BMS1: variants seen among roughly 807,000 people sequenced by gnomAD.
BMS1 encodes ribosome biogenesis protein BMS1 homolog.
In BMS1, 53 loss-of-function variants were observed where a neutral mutation model predicts 138.7. The ratio of observed to expected loss-of-function variants is 0.38; its 90% CI spans 0.31 to 0.48. The LOEUF (loss-of-function observed/expected upper bound fraction) is 0.48, where lower values mean the gene tolerates loss of function less well. Among genes scored for constraint, BMS1 ranks in the 20% least tolerant of loss-of-function variants. BMS1 has a pLI of 0.97. For synonymous variants in BMS1, 504 were observed against 539.9 expected (o/e 0.93, Z 0.92); for missense variants, 1,360 against 1,565.5 (o/e 0.87, Z 2.22).
In BMS1 at chr10:42,823,668, A is replaced by G; in HGVS notation, c.3340A>G (p.Thr1114Ala). The change falls in exon 21 of 23, where the codon ACA (threonine) becomes GCA (alanine). Residue 1114 changes from threonine (T) to alanine (A), a missense_variant. Physicochemically the swap from Thr to Ala is moderately conservative, Grantham distance 58. Transcript: ENST00000374518. ...VSIPAFYNPVTSLLKPVGEKD... is the reference protein window; with the variant it reads ...VSIPAFYNPVASLLKPVGEKD... Reference sequence around the variant, plus strand: ...CATCCCAGCGTTCTATAACCCAGTAACATCTTTGTTGAAACCAGTGGGTGA... The same window carrying G: ...CATCCCAGCGTTCTATAACCCAGTAGCATCTTTGTTGAAACCAGTGGGTGA... 6.3e-7 allele frequency: 1 copy of G among 1,595,774 alleles called. No homozygotes were observed. The highest frequency in any genetic ancestry group is 1.7e-5 in the Admixed American group (1 of 59,932).
At chr10:42,789,151 CAG>C (rs1372168428) in intron 4 of BMS1, among the ~76,000 whole-genome samples, 3 of 152,184 alleles carry the variant, frequency 2.0e-5, no homozygotes, top group Non-Finnish European at 2.9e-5. Context: ...CAAAGACTGG[CAG>C]CTGAGGGACT....
intron 13 of BMS1, among the ~76,000 whole-genome samples, chr10:42,814,601 C>G (rs1318741153): frequency 2.0e-5 from 3 of 152,150 alleles, no homozygotes; most frequent in Non-Finnish European, 4.4e-5. Context: ...TTTTTGCAGG[C>G]AGTCCTCCTA....
At chr10:42,792,264 C>G (rs990011599) in intron 6 of BMS1, among the ~76,000 whole-genome samples, 20 of 152,214 alleles carry the variant, frequency 1.3e-4, no homozygotes, top group African/African-American at 4.8e-4. Flanking sequence ...GACGTCATCT[C>G]CCTGTCTGGT....
At chr10:42,825,048 G>A (rs1032695221) in intron 21 of BMS1, among the ~76,000 whole-genome samples, 15 of 151,752 alleles carry the variant, frequency 9.9e-5, no homozygotes, top group East Asian at 1.9e-4. Context: ...TCACTCTGTC[G>A]CCCAAGCTGT....
At chr10:42,814,671 A>G (rs1383731075) in intron 13 of BMS1, among the ~76,000 whole-genome samples, 16 of 152,166 alleles carry the variant, frequency 1.1e-4, no homozygotes, top group Admixed American at 1.0e-3. Flanking sequence ...ATGGCAATTT[A>G]ATTTCAGAGC....
rs5027004 is a variant in BMS1, at chr10:42,793,923, G to A, written c.1161G>A (p.Met387Ile). ...ISTHSTIDAK[M>I]ASSRVTLFSD... ...CCCACTCCACCATTGATGCCAAGAT[G>A]GCTTCAAGTCGAGTGACGCTGTTTT... Residue 387 changes from methionine to isoleucine, a missense_variant, in exon 9 of 23, where the codon ATG becomes ATA. Met to Ile is a conservative substitution (Grantham distance 10). This residue lies in a region of BMS1 where 697 missense variants were observed against 686.2 expected (regional missense o/e 1.02). Coordinates refer to ENST00000374518, the MANE Select transcript of BMS1 (RefSeq NM_014753.4). The A allele has an allele frequency of 5.3e-5, 85 of 1,611,654 alleles. No homozygotes were observed. Among genetic ancestry groups the A allele is most frequent in the Non-Finnish European group, 6.5e-5 (77 of 1,179,814 alleles).
chr10:42,791,649 C>T lies in BMS1; in HGVS notation c.659C>T (p.Ser220Phe). 6.2e-7 allele frequency: 1 copy of T among 1,610,486 alleles called. No individual in the cohort carries two copies. Among genetic ancestry groups the T allele is most frequent in the Non-Finnish European group, 8.5e-7 (1 of 1,178,876 alleles). Reference protein sequence around the residue: ...VYPGAKLFYLSGMVHGEYQNQ... With the variant: ...VYPGAKLFYLFGMVHGEYQNQ... ...TAGGGTGCCAAGCTGTTCTACCTTT[C>T]TGGAATGGTGCATGGAGAATATCAA... is the stretch of plus-strand genomic sequence containing the variant. Residue 220 changes from serine (S) to phenylalanine (F), a missense_variant, in exon 6 of 23, where the codon TCT becomes TTT. Transcript: ENST00000374518.
chr10:42,784,375 G>T lies in BMS1; in HGVS notation c.-20G>T. 1 of 1,583,190 alleles carries T rather than the reference G, an allele frequency of 6.3e-7. No homozygotes were observed. The highest frequency in any genetic ancestry group is 1.1e-5 in the South Asian group (1 of 86,998). On this transcript the variant is annotated 5_prime_UTR_variant, in exon 2 of 23. Transcript: ENST00000374518. The stretch of plus-strand genomic sequence containing the variant: ...TCTTCCTTGTAGGTTAGAGTTACTT[G>T]TTATTGGTAAATAGCCACTATGGAG...
intron 21 of BMS1, among the ~76,000 whole-genome samples, chr10:42,826,975 C>T (rs1842665157): frequency 6.6e-6 from 1 of 152,168 alleles, no homozygotes; most frequent in Non-Finnish European, 1.5e-5. Context: ...CGTTTGTTCC[C>T]ACCAGCACTC....
chr10:42,829,909 G>A (rs959869833), intron 21 of BMS1, among the ~76,000 whole-genome samples: 9 of 152,226 alleles, frequency 5.9e-5, no homozygotes, highest in African/African-American at 2.2e-4. Flanking sequence ...TGGGAAATAA[G>A]CACCTCAGTG....
Position 42,791,752 on chromosome 10 carries a change from T to A in BMS1, c.762T>A (p.Pro254=), listed in dbSNP as rs771358443. 3.1e-6 allele frequency: 5 copies of A among 1,606,174 alleles called. No homozygotes were observed. The Admixed American group carries it at 8.7e-5, about 28-fold the overall frequency. ...FRPLTWQTSH[P]YILADRMEDL... ...CTCTCACATGGCAAACTTCTCACCC[T>A]TATATCCTGGCAGACAGGTAAAATA... The change falls in exon 6 of 23, where the codon CCT becomes CCA. Residue 254 remains proline (P), a synonymous_variant. Coordinates refer to ENST00000374518, the MANE Select transcript of BMS1 (RefSeq NM_014753.4).
rs371860700 is a variant in BMS1 at position 42,792,986 on chromosome 10, A to G, written c.931A>G (p.Ser311Gly). 8.1e-6 allele frequency: 13 copies of G among 1,611,770 alleles called. No homozygotes were observed. The highest frequency in any genetic ancestry group is 1.1e-5 in the Non-Finnish European group (13 of 1,179,460). Reference sequence around the variant, plus strand: ...AGGAGATTTTGCCGTGAGTGACATCAGTTTCCTCCCAGACCCTTGCGCTCT... The same window carrying G: ...AGGAGATTTTGCCGTGAGTGACATCGGTTTCCTCCCAGACCCTTGCGCTCT... ...GVGDFAVSDI[S>G]FLPDPCALPE... The change falls in exon 8 of 23, where the codon AGT (serine) becomes GGT (glycine). Residue 311 changes from serine (S) to glycine (G), a missense_variant. Physicochemically the swap from Ser to Gly is moderately conservative, Grantham distance 56. This residue lies in a region of BMS1 where 697 missense variants were observed against 686.2 expected (regional missense o/e 1.02). Transcript: ENST00000374518.
At position 42,823,033 on chromosome 10, in the gene BMS1, A is replaced by C. The variant is rs1295458787; in HGVS notation, c.3133-85A>C. On this transcript the variant is annotated intron_variant, in intron 19 of 22. Transcript: ENST00000374518. ...TTCAGTGAGTTGTTTTTGTTCTTTAATCAAGGATGTATGTTTGAAGTAAGA... is the reference window on the plus strand; with the variant it reads ...TTCAGTGAGTTGTTTTTGTTCTTTACTCAAGGATGTATGTTTGAAGTAAGA... The C allele has an allele frequency of 1.6e-5, 21 of 1,306,212 alleles. No homozygotes were observed. In the African/African-American group the frequency reaches 3.0e-4, roughly 19 times the overall value. The allele number at this position is 1,306,212 out of a possible 1,614,324, so 80.9% of individuals were successfully genotyped here. A position where few individuals can be genotyped will look rare whatever the true frequency, so the allele number is the denominator to read the frequency against.
At chr10:42,824,638 G>T (rs1339689893) in intron 21 of BMS1, among the ~76,000 whole-genome samples, 1 of 152,126 alleles carries the variant, frequency 6.6e-6, no homozygotes, top group African/African-American at 2.4e-5. Flanking sequence ...CTTGGGTCTT[G>T]TATCTATTTT....
chr10:42,794,407 GTGGATGTA>G (rs1401348435), intron 9 of BMS1, among the ~76,000 whole-genome samples: 1 of 152,016 alleles, frequency 6.6e-6, no homozygotes, highest in African/African-American at 2.4e-5. Context: ...GTAGGTTTCC[GTGGATGTA>G]TGGCTCATGT....
rs545213034 is a variant in BMS1 at position 42,800,272 on chromosome 10, G to A, written c.2247+1647G>A. ...TTAAATTTGATTTTTATTTTTCGGC[G>A]AAACTGCTTCCCAGGTGATGGTGTT... On this transcript the variant is annotated intron_variant, in intron 12 of 22. Transcript: ENST00000374518. Among the ~76,000 whole-genome samples, 66 of 152,186 alleles carry A rather than the reference G, an allele frequency of 4.3e-4. 3 individuals are homozygous for A. In the South Asian group the frequency reaches 0.013, roughly 31 times the overall value.
chr10:42,819,692 C>A (rs574244309), intron 15 of BMS1, among the ~76,000 whole-genome samples: 4 of 152,280 alleles, frequency 2.6e-5, no homozygotes, highest in African/African-American at 9.6e-5. Flanking sequence ...TGCAGGGCTC[C>A]ACAGTTATCT....
chr10:42,784,865 A>G (rs61844774), intron 2 of BMS1, among the ~76,000 whole-genome samples: 9,777 of 152,282 alleles, frequency 0.064, 461 homozygotes, highest in Non-Finnish European at 0.092. Context: ...CCCCCCAGGT[A>G]TGTTTTACAT....
chr10:42,794,445 G>A (rs1841609778), intron 9 of BMS1, among the ~76,000 whole-genome samples: 1 of 151,884 alleles, frequency 6.6e-6, no homozygotes, highest in Non-Finnish European at 1.5e-5. Context: ...TCCAGTCTGG[G>A]TTGGGGATTT....
Sources: allele counts gnomAD v4.1 joint callset (sites outside exome capture counted in the v4.1 genomes callset), GRCh38; gene constraint gnomAD v4.1.1; regional missense constraint gnomAD v4.1.1; transcripts MANE v1.5; gene names NCBI Gene and HGNC (gene_info 2026-07-23, HGNC 2026-07-21).